The following PRDM15 variants were observed in gnomAD, a reference collection of about 807,000 sequenced individuals.
PRDM15 encodes PR/SET domain 15.
PRDM15 carries 64 observed loss-of-function variants against 128.6 expected under a neutral mutation model. That is an observed-to-expected ratio of 0.50 (90% CI 0.41 to 0.61). The LOEUF (loss-of-function observed/expected upper bound fraction) is 0.61, where lower values mean the gene tolerates loss of function less well. Ranked by LOEUF, PRDM15 falls within the 20% of genes least tolerant of loss-of-function variation. The probability of loss-of-function intolerance (pLI) is 0.00; values close to 1 mark genes in which losing one functional copy is unlikely to be tolerated. For synonymous variants in PRDM15, 615 were observed against 621.8 expected, an observed-to-expected ratio of 0.99 and a Z score of 0.16; for missense variants, 1,242 against 1,569.1, an observed-to-expected ratio of 0.79 and a Z score of 3.52.
chr21:41,869,146 T>A (rs2064123259), intron 1 of PRDM15, among the ~76,000 whole-genome samples: 1 of 152,142 alleles, frequency 6.6e-6, no homozygotes, highest in Non-Finnish European at 1.5e-5. Context: ...AGTTTAAGGG[T>A]CTTCTGCAGA....
At chr21:41,820,970 G>A in intron 16 of PRDM15, 97 bp downstream of exon 16, 1 of 1,485,350 alleles carries the variant, frequency 6.7e-7, no homozygotes, top group Non-Finnish European at 9.3e-7. Flanking sequence ...ATCACTTGTT[G>A]GAAGCTACAA....
intron 11 of PRDM15, among the ~76,000 whole-genome samples, chr21:41,834,278 A>G (rs1374393911): frequency 6.6e-6 from 1 of 152,140 alleles, no homozygotes; most frequent in African/African-American, 2.4e-5. Flanking sequence ...GAGTAGAACT[A>G]GCCAACCCCA....
At chr21:41,803,779 G>A (rs1005530939) in intron 22 of PRDM15, among the ~76,000 whole-genome samples, 13 of 152,200 alleles carry the variant, frequency 8.5e-5, no homozygotes, top group African/African-American at 3.1e-4. Context: ...CTAAAGCGCT[G>A]TTTCAGAACG....
At chr21:41,874,033 C>T (rs1406699900) in intron 1 of PRDM15, among the ~76,000 whole-genome samples, 1 of 150,122 alleles carries the variant, frequency 6.7e-6, no homozygotes, top group Non-Finnish European at 1.5e-5. Flanking sequence ...GCACCACTGC[C>T]CTCCAGCCTA....
chr21:41,833,556 A>G (rs1438142621), intron 11 of PRDM15, among the ~76,000 whole-genome samples: 1 of 152,202 alleles, frequency 6.6e-6, no homozygotes, highest in East Asian at 1.9e-4. Context: ...AATACTATAA[A>G]TAAGTATAAG....
At position 41,859,182 on chromosome 21, in the gene PRDM15, T is replaced by A; in HGVS notation, c.131+410A>T. ...CTGTCCCTGTCCTCATAACCCCGCATCCCCTGCCCCGCCTGGGTGTGCACG... is the reference window on the plus strand; with the variant it reads ...CTGTCCCTGTCCTCATAACCCCGCAACCCCTGCCCCGCCTGGGTGTGCACG... On this transcript the variant is annotated intron_variant, in intron 3 of 23. Transcript: ENST00000398548. The surrounding 1 kb of genome is among the most constrained non-coding windows in gnomAD (Gnocchi z 5.3). 1.2e-6 allele frequency: 2 copies of A among 1,613,882 alleles called. No homozygotes were observed. Among genetic ancestry groups the A allele is most frequent in the East Asian group, 2.2e-5 (1 of 44,882 alleles).
chr21:41,876,663 T>A (rs1465213338), intron 1 of PRDM15, among the ~76,000 whole-genome samples: 2 of 151,948 alleles, frequency 1.3e-5, no homozygotes, highest in African/African-American at 4.8e-5. Context: ...CGGGGCAGGG[T>A]CTTCTCCCAC....
At chr21:41,807,300 G>T (rs2061711492) in intron 21 of PRDM15, among the ~76,000 whole-genome samples, 1 of 152,238 alleles carries the variant, frequency 6.6e-6, no homozygotes, top group African/African-American at 2.4e-5. Flanking sequence ...AATCCTAAAA[G>T]ATTCTGAATC....
At chr21:41,834,398 CT>C (rs2062798359) in intron 11 of PRDM15, 1 of 1,015,358 alleles carries the variant, frequency 9.8e-7, no homozygotes, top group African/African-American at 1.6e-5. Context: ...TGCAGGTGCC[CT>C]GTTCTCAACA....
chr21:41,859,484 C>A lies in PRDM15; in HGVS notation c.131+108G>T. 3.3e-6 allele frequency: 3 copies of A among 896,100 alleles called. No homozygotes were observed. The highest frequency in any genetic ancestry group is 1.6e-5 in the South Asian group (1 of 61,886). 55.5% of individuals were successfully genotyped at this position (896,100 alleles called of 1,614,324 possible). A position where few individuals can be genotyped will look rare whatever the true frequency, so the allele number is the denominator to read the frequency against. ...AATCGCTGGCTCTCACTCAGAGTGC[C>A]TCTGTTCTCCCTCAGGCTCCTTCCT... On this transcript the variant is annotated intron_variant, in intron 3 of 23. Coordinates refer to ENST00000398548, the MANE Select transcript of PRDM15 (RefSeq NM_001040424.3). This position sits in a 1 kb window ranked among gnomAD's most constrained non-coding sequence, Gnocchi z 5.3.
In PRDM15 at chr21:41,879,097, A is replaced by G; in HGVS notation, c.-10+173T>C. ...ACGGTGCCCGCAGCCGGCGAATGTA[A>G]CAAAGAACAGTCGGCATGGCGGCTG... On this transcript the variant is annotated intron_variant, in intron 1 of 23. Transcript: ENST00000398548. This position sits in a 1 kb window ranked among gnomAD's most constrained non-coding sequence, Gnocchi z 5.1. 1 of 1,115,762 alleles carries G rather than the reference A, an allele frequency of 9.0e-7. No individual in the cohort carries two copies. 69.1% of individuals were successfully genotyped at this position (1,115,762 alleles called of 1,614,324 possible).
At chr21:41,827,927 G>A (rs1055826449) in intron 12 of PRDM15, among the ~76,000 whole-genome samples, 4 of 152,128 alleles carry the variant, frequency 2.6e-5, no homozygotes, top group African/African-American at 9.7e-5. Flanking sequence ...AACATTTAGG[G>A]TATTTCCAGC....
At chr21:41,834,601 C>T (rs4920074) in intron 11 of PRDM15, 134,189 of 1,509,244 alleles carry the variant, frequency 0.089, 7,408 homozygotes, top group African/African-American at 0.22. Flanking sequence ...CAGTGACTCA[C>T]CCCTCTGTGC....
chr21:41,816,896 A>T (rs1400310614), intron 18 of PRDM15, among the ~76,000 whole-genome samples: 7 of 94 alleles, frequency 0.074, no homozygotes, highest in East Asian at 0.5. Flanking sequence ...CTTTTGATTA[A>T]AAAAAAAAAA....
At chr21:41,825,055 G>A (rs76211569) in intron 13 of PRDM15, among the ~76,000 whole-genome samples, 14,254 of 152,276 alleles carry the variant, frequency 0.094, 886 homozygotes, top group Non-Finnish European at 0.14. Context: ...CTTGAGCGAC[G>A]TGCTGGAGCT....
intron 5 of PRDM15, among the ~76,000 whole-genome samples, chr21:41,849,350 C>G (rs2063358352): frequency 6.6e-6 from 1 of 151,098 alleles, no homozygotes; most frequent in Admixed American, 6.6e-5. Context: ...GGTGGATTAC[C>G]TGAGGCCAGG....
rs1312082191 is a variant in PRDM15, at chr21:41,810,722, C to A, written c.2476+31G>T. ...AGCCCCGGCAGCCTGCCGCGTGCGC[C>A]CCGAAGGCTCCTTCAGGCTGCGCCG... On this transcript the variant is annotated intron_variant, in intron 20 of 23. Coordinates refer to ENST00000398548, the MANE Select transcript of PRDM15 (RefSeq NM_001040424.3). This position sits in a 1 kb window ranked among gnomAD's most constrained non-coding sequence, Gnocchi z 6.4. The A allele has an allele frequency of 6.2e-7, 1 of 1,600,400 alleles. No homozygotes were observed. Among genetic ancestry groups the A allele is most frequent in the East Asian group, 2.2e-5 (1 of 44,814 alleles).
intron 19 of PRDM15, chr21:41,813,042 G>A (rs972989318): frequency 5.9e-5 from 9 of 152,436 alleles, no homozygotes; most frequent in African/African-American, 1.7e-4. Context: ...GCTCACGTCT[G>A]GGGGGCTCTG....
intron 17 of PRDM15, 151 bp from the exon 18 acceptor site, chr21:41,819,852 G>A (rs879692034): frequency 3.3e-5 from 33 of 990,838 alleles, no homozygotes; most frequent in Non-Finnish European, 4.6e-5. Context: ...CCTCCACAGA[G>A]CCCTCCCGGG....
Sources: allele counts gnomAD v4.1 joint callset (sites outside exome capture counted in the v4.1 genomes callset), GRCh38; gene constraint gnomAD v4.1.1; non-coding constraint Gnocchi (gnomAD v3.1); transcripts MANE v1.5; gene names NCBI Gene and HGNC (gene_info 2026-07-23, HGNC 2026-07-21).